BNC2: variants seen among roughly 807,000 people sequenced by gnomAD.
BNC2 encodes the protein basonuclin zinc finger protein 2.
Under a neutral mutation model 76.3 loss-of-function variants are expected in BNC2, and 20 were observed. That is an observed-to-expected ratio of 0.26 (90% CI 0.18 to 0.38). The LOEUF is 0.38. BNC2 is among the 10% of genes least tolerant of loss of function. The pLI, the probability that BNC2 is intolerant of heterozygous loss-of-function variation, is 1.00. For missense variants in BNC2, 1,382 were observed against 1,399.8 expected (o/e 0.99, Z 0.20); for synonymous variants, 582 against 514.8 (o/e 1.13, Z -1.77).
intron 1 of BNC2, among the ~76,000 whole-genome samples, chr9:16,800,160 C>T (rs944613755): frequency 1.3e-5 from 2 of 150,678 alleles, no homozygotes; most frequent in Non-Finnish European, 2.9e-5. Context: ...GGGAGGCAGA[C>T]ATTGCAGTGA....
chr9:16,503,547 C>A (rs10962461), intron 5 of BNC2, among the ~76,000 whole-genome samples: 5 of 151,944 alleles, frequency 3.3e-5, no homozygotes, highest in African/African-American at 9.7e-5. Context: ...TACAGTCACT[C>A]GTTGAGAACT....
chr9:16,716,621 A>G (rs979294942), intron 3 of BNC2, among the ~76,000 whole-genome samples: 6 of 152,162 alleles, frequency 3.9e-5, no homozygotes, highest in South Asian at 2.1e-4. Context: ...TCATCCAACT[A>G]TATTAAAAAC....
rs553961981 is a variant in BNC2, at chr9:16,552,611, G to C, written c.588C>G (p.Val196=). The change falls in exon 5 of 7, where the codon GTC becomes GTG. Residue 196 remains valine (V), a synonymous_variant. Coordinates refer to ENST00000380672, the MANE Select transcript of BNC2 (RefSeq NM_017637.6). ...LKILLDRLFS[V]LKQEEVLHIL... is the part of the protein sequence containing the mutation. ...TGTGCAGTACCTCCTCTTGCTTCAG[G>C]ACGCTGAAGAGACGGTCCAGCAGGA... 1 of 1,614,220 alleles carries C rather than the reference G, an allele frequency of 6.2e-7. No homozygotes were observed. Among genetic ancestry groups the C allele is most frequent in the South Asian group, 1.1e-5 (1 of 91,088 alleles).
At chr9:16,686,079 T>G (rs1822969680) in intron 3 of BNC2, among the ~76,000 whole-genome samples, 1 of 152,206 alleles carries the variant, frequency 6.6e-6, no homozygotes, top group African/African-American at 2.4e-5. Flanking sequence ...ATGCCTAAGT[T>G]CCTTTACGTT....
intron 5 of BNC2, among the ~76,000 whole-genome samples, chr9:16,458,112 AT>A (rs1432465357): frequency 1.3e-5 from 2 of 152,182 alleles, no homozygotes; most frequent in Non-Finnish European, 2.9e-5. Context: ...TTAAAAAAAA[AT>A]AACATTACTG....
At chr9:16,781,125 T>C (rs1826142492) in intron 1 of BNC2, among the ~76,000 whole-genome samples, 1 of 152,114 alleles carries the variant, frequency 6.6e-6, no homozygotes, top group Non-Finnish European at 1.5e-5. Context: ...TTTTTATTAA[T>C]GCAAAACGAC....
At chr9:16,504,745 G>C (rs1196872548) in intron 5 of BNC2, among the ~76,000 whole-genome samples, 1 of 152,212 alleles carries the variant, frequency 6.6e-6, no homozygotes, top group Non-Finnish European at 1.5e-5. Flanking sequence ...TACTGAGGAA[G>C]CTGAGGCGGC....
chr9:16,781,007 T>C (rs1826137151), intron 1 of BNC2, among the ~76,000 whole-genome samples: 2 of 151,872 alleles, frequency 1.3e-5, no homozygotes, highest in South Asian at 2.1e-4. Flanking sequence ...ATTCCTTTGT[T>C]TGAAAAAAAA....
chr9:16,515,277 G>A (rs978816449), intron 5 of BNC2, among the ~76,000 whole-genome samples: 7 of 152,204 alleles, frequency 4.6e-5, no homozygotes, highest in African/African-American at 1.7e-4. Flanking sequence ...ACTGGGCTGT[G>A]ACCTGAACAC....
intron 3 of BNC2, among the ~76,000 whole-genome samples, chr9:16,654,365 T>C (rs906424422): frequency 9.2e-5 from 14 of 152,210 alleles, no homozygotes; most frequent in African/African-American, 2.2e-4. Context: ...TCATCTCAGA[T>C]GTTAAAATGT....
At chr9:16,802,904 T>C (rs946497770) in intron 1 of BNC2, among the ~76,000 whole-genome samples, 12 of 152,218 alleles carry the variant, frequency 7.9e-5, no homozygotes, top group Admixed American at 6.5e-4. Flanking sequence ...CACGCAACTT[T>C]GTACTACTTG....
At chr9:16,778,227 A>T (rs914817125) in intron 1 of BNC2, among the ~76,000 whole-genome samples, 2 of 152,234 alleles carry the variant, frequency 1.3e-5, no homozygotes, top group African/African-American at 2.4e-5. Context: ...AGGATATTGT[A>T]AAGATACATA....
intron 3 of BNC2, among the ~76,000 whole-genome samples, chr9:16,618,802 T>A (rs1820782824): frequency 6.6e-6 from 1 of 152,162 alleles, no homozygotes; most frequent in Admixed American, 6.5e-5. Flanking sequence ...TGTCAACAGC[T>A]GAGTGGTTTC....
intron 4 of BNC2, among the ~76,000 whole-genome samples, chr9:16,560,029 G>C (rs1011682211): frequency 6.6e-6 from 1 of 152,240 alleles, no homozygotes; most frequent in African/African-American, 2.4e-5. Flanking sequence ...GGAGACTACT[G>C]TAGGTAGACG....
intron 5 of BNC2, among the ~76,000 whole-genome samples, chr9:16,471,412 G>A (rs1269984961): frequency 6.6e-6 from 1 of 151,578 alleles, no homozygotes; most frequent in East Asian, 2.0e-4. Context: ...TCCTGACTCA[G>A]CCTCCCAAGT....
At chr9:16,858,356 G>T (rs955855344) in intron 1 of BNC2, among the ~76,000 whole-genome samples, 1 of 152,254 alleles carries the variant, frequency 6.6e-6, no homozygotes, top group East Asian at 1.9e-4. Context: ...AGGGAACCAG[G>T]AGCTATCATT....
At chr9:16,784,140 A>G (rs1372602298) in intron 1 of BNC2, among the ~76,000 whole-genome samples, 1 of 152,198 alleles carries the variant, frequency 6.6e-6, no homozygotes, top group African/African-American at 2.4e-5. Context: ...TTAGTCAAAA[A>G]GACTTTCCTG....
At chr9:16,572,799 C>T (rs1259760447) in intron 4 of BNC2, among the ~76,000 whole-genome samples, 1 of 152,090 alleles carries the variant, frequency 6.6e-6, no homozygotes, top group African/African-American at 2.4e-5. Flanking sequence ...ACTCAAGGGA[C>T]AAGAGCCTGG....
intron 3 of BNC2, among the ~76,000 whole-genome samples, chr9:16,613,917 C>T (rs762056126): frequency 2.6e-5 from 4 of 151,394 alleles, no homozygotes; most frequent in Admixed American, 6.6e-5. Flanking sequence ...TGAGACAACT[C>T]GATTACAAAA....
Sources: allele counts gnomAD v4.1 joint callset (sites outside exome capture counted in the v4.1 genomes callset), GRCh38; gene constraint gnomAD v4.1.1; transcripts MANE v1.5; gene names NCBI Gene and HGNC (gene_info 2026-07-23, HGNC 2026-07-21).